Variants in LGALS9 observed in about 807,000 individuals in gnomAD.
The protein encoded by LGALS9 is galectin-9.
LGALS9 carries 26 observed loss-of-function variants against 35.9 expected under a neutral mutation model. The ratio of observed to expected loss-of-function variants is 0.72; its 90% CI spans 0.53 to 1.01. LGALS9 has a LOEUF of 1.01. Among genes scored for constraint, LGALS9 ranks in the 50% least tolerant of loss-of-function variants. LGALS9 has a pLI of 0.00. For synonymous variants in LGALS9, 149 were observed against 172.2 expected (o/e 0.87, Z 1.06); for missense variants, 347 against 445.8 (o/e 0.78, Z 1.99).
intron 9 of LGALS9, 57 bp from the exon 10 acceptor site, chr17:27,647,213 G>C (rs774999367): frequency 8.7e-6 from 14 of 1,613,442 alleles, no homozygotes; most frequent in African/African-American, 1.3e-5. Context: ...TGATGATGGG[G>C]AGGAAATGGG....
rs1904976237 is a variant in LGALS9, at chr17:27,646,720, G to A, written c.669+132G>A. 5 of 1,452,622 alleles carry A rather than the reference G, an allele frequency of 3.4e-6. No individual in the cohort carries two copies. The South Asian group carries it at 5.9e-5, about 17-fold the overall frequency. 90.0% of individuals were successfully genotyped at this position (1,452,622 alleles called of 1,614,324 possible). ...ATTTGTTAAGCTGAAGGGCTTCAAAGCATCCCAGCGAATTAGAAGGCTGTG... is the reference window on the plus strand; with the variant it reads ...ATTTGTTAAGCTGAAGGGCTTCAAAACATCCCAGCGAATTAGAAGGCTGTG... On this transcript the variant is annotated intron_variant, in intron 8 of 10. Transcript: ENST00000395473.
chr17:27,638,777 T>C (rs1045792415), intron 2 of LGALS9: 39 of 300,464 alleles, frequency 1.3e-4, no homozygotes, highest in South Asian at 3.4e-4. Flanking sequence ...TGGTCTCTTT[T>C]GGTTTCAAGG....
At chr17:27,646,037 TGA>T (rs1382823362) in intron 7 of LGALS9, 126 bp downstream of exon 7, 3 of 882,368 alleles carry the variant, frequency 3.4e-6, no homozygotes, top group Non-Finnish European at 5.4e-6. Context: ...CACTAGGGGC[TGA>T]GTGCTTGGCT....
chr17:27,634,183 T>A (rs2151288611), intron 1 of LGALS9, among the ~76,000 whole-genome samples: 1 of 152,346 alleles, frequency 6.6e-6, no homozygotes, highest in East Asian at 1.9e-4. Flanking sequence ...GGAAAATCTG[T>A]TTCTTTTCCT....
Position 27,640,701 on chromosome 17 carries a change from G to A in LGALS9, c.261G>A (p.Arg87=). Residue 87 remains arginine, a synonymous_variant, in exon 3 of 11, where the codon AGG becomes AGA. Transcript: ENST00000395473. Reference sequence around the variant, plus strand: ...ACGGAAGCTGGGGGCCCGAGGAGAGGAAGACACACATGCCTTTCCAGAAGG... The same window carrying A: ...ACGGAAGCTGGGGGCCCGAGGAGAGAAAGACACACATGCCTTTCCAGAAGG... ...RQNGSWGPEE[R]KTHMPFQKGM... 6.2e-7 allele frequency: 1 copy of A among 1,614,234 alleles called. No individual in the cohort carries two copies. Among genetic ancestry groups the A allele is most frequent in the South Asian group, 1.1e-5 (1 of 91,088 alleles).
At chr17:27,633,602 T>C (rs543719806) in intron 1 of LGALS9, among the ~76,000 whole-genome samples, 2 of 152,364 alleles carry the variant, frequency 1.3e-5, no homozygotes. Flanking sequence ...CAGCTCTGCT[T>C]TCTAGACTTC....
At chr17:27,639,300 C>T (rs2074489722) in intron 2 of LGALS9, among the ~76,000 whole-genome samples, 2 of 152,148 alleles carry the variant, frequency 1.3e-5, no homozygotes, top group Admixed American at 1.3e-4. Context: ...CCAGGGGAAT[C>T]AGGACCATGA....
In LGALS9 at chr17:27,645,884, G is replaced by A. The variant is rs1279260474; in HGVS notation, c.600G>A (p.Val200=). 6 of 1,602,134 alleles carry A rather than the reference G, an allele frequency of 3.7e-6. No homozygotes were observed. The highest frequency in any genetic ancestry group is 1.3e-5 in the African/African-American group (1 of 74,288). ...APITQTVIHT[V]QSAPGQMFST... is the part of the protein sequence containing the mutation. ...AGACCCAGACAGTCATCCACACAGT[G>A]CAGAGCGCCCCTGGACAGATGTTCT... is the stretch of plus-strand genomic sequence containing the variant. Residue 200 remains valine (V), a synonymous_variant, in exon 7 of 11, where the codon GTG becomes GTA. Transcript: ENST00000395473.
At chr17:27,644,408 G>A (rs988964387) in intron 5 of LGALS9, 1 of 152,598 alleles carries the variant, frequency 6.6e-6, no homozygotes, top group African/African-American at 2.4e-5. Flanking sequence ...TGCCCATGAG[G>A]CCCCAGAGGG....
intron 4 of LGALS9, 47 bp from the exon 5 acceptor site, chr17:27,643,478 C>T: frequency 1.9e-6 from 3 of 1,609,244 alleles, no homozygotes; most frequent in Non-Finnish European, 1.7e-6. Context: ...TTCTCCTTGG[C>T]TCTATTAATG....
In LGALS9 at chr17:27,640,642, G is replaced by A; in HGVS notation, c.202G>A (p.Asp68Asn). 4 of 1,614,230 alleles carry A rather than the reference G, an allele frequency of 2.5e-6. No homozygotes were observed. Among genetic ancestry groups the A allele is most frequent in the Non-Finnish European group, 3.4e-6 (4 of 1,180,028 alleles). The stretch of plus-strand genomic sequence containing the variant: ...CTTCCACTTCAACCCTCGGTTTGAA[G>A]ATGGAGGGTACGTGGTGTGCAACAC... ...IAFHFNPRFE[D>N]GGYVVCNTRQ... The change falls in exon 3 of 11, where the codon GAT becomes AAT. Residue 68 changes from aspartate (D) to asparagine (N), a missense_variant. Physicochemically the swap from Asp to Asn is conservative, Grantham distance 23. Coordinates refer to ENST00000395473, the MANE Select transcript of LGALS9 (RefSeq NM_009587.3).
chr17:27,646,585 C>T lies in LGALS9; in HGVS notation c.666C>T (p.Ala222=), dbSNP rs78283270. The T allele has an allele frequency of 1.2e-6, 2 of 1,612,486 alleles. No individual in the cohort carries two copies. The highest frequency in any genetic ancestry group is 1.7e-6 in the Non-Finnish European group (2 of 1,179,976). The change falls in exon 8 of 11, where the codon GCC becomes GCT. Residue 222 remains alanine (A), a synonymous_variant. Transcript: ENST00000395473. ...AIPPMMYPHP[A]YPMPFITTIL... ...CACCTATGATGTACCCCCACCCCGC[C>T]TATGTAAGTGGTTTCTCAGGGAGGG...
chr17:27,637,064 G>C (rs2074460177), intron 1 of LGALS9, among the ~76,000 whole-genome samples: 1 of 152,082 alleles, frequency 6.6e-6, no homozygotes, highest in Non-Finnish European at 1.5e-5. Context: ...TTGACCTAAA[G>C]GAGATATTAG....
At chr17:27,636,925 A>C (rs1022588795) in intron 1 of LGALS9, among the ~76,000 whole-genome samples, 5 of 152,190 alleles carry the variant, frequency 3.3e-5, no homozygotes, top group Admixed American at 6.5e-5. Flanking sequence ...AGCACGGAGT[A>C]GATGTTGACT....
chr17:27,640,843 G>A (rs571671096), intron 3 of LGALS9, 70 bp downstream of exon 3: 2 of 1,591,984 alleles, frequency 1.3e-6, no homozygotes, highest in East Asian at 4.5e-5. Flanking sequence ...TGGCCTTTAA[G>A]TAATCACCTA....
intron 10 of LGALS9, 137 bp downstream of exon 10, chr17:27,647,569 C>A: frequency 1.6e-6 from 2 of 1,227,970 alleles, no homozygotes; most frequent in Non-Finnish European, 2.2e-6. Context: ...AGAAGGTGGC[C>A]AACAAATTAT....
intron 2 of LGALS9, chr17:27,640,285 C>A: frequency 2.1e-6 from 1 of 477,418 alleles, no homozygotes; most frequent in East Asian, 4.3e-5. Flanking sequence ...AATTGGTAAT[C>A]ACTTTCCAAG....
chr17:27,643,068 T>C lies in LGALS9; in HGVS notation c.445-457T>C, dbSNP rs1598185702. On this transcript the variant is annotated intron_variant, in intron 4 of 10. Coordinates refer to ENST00000395473, the MANE Select transcript of LGALS9 (RefSeq NM_009587.3). ...ACTTTGTTTAAATAATAAAATAAAA[T>C]AAATAAAACTAAATAAGGTCAGGAG... Among the ~76,000 whole-genome samples the C allele has an allele frequency of 2.0e-5, 3 of 152,178 alleles. No homozygotes were observed. The East Asian group carries it at 5.8e-4, about 29-fold the overall frequency.
At chr17:27,648,061 A>T (rs1219309944) in intron 10 of LGALS9, among the ~76,000 whole-genome samples, 1 of 152,276 alleles carries the variant, frequency 6.6e-6, no homozygotes, top group African/African-American at 2.4e-5. Context: ...TTACAAAGGA[A>T]ATATCAGTGC....
Sources: gnomAD v4.1 joint callset for allele counts (sites outside exome capture counted in the v4.1 genomes callset) on GRCh38, gnomAD v4.1.1 for gene constraint, MANE v1.5 for transcripts, NCBI Gene and HGNC (gene_info 2026-07-23, HGNC 2026-07-21) for gene names.